The following PLEKHH2 variants were observed in gnomAD, a reference collection of about 807,000 sequenced individuals.
The protein encoded by PLEKHH2 is pleckstrin homology domain-containing family H member 2.
Under a neutral mutation model 187.9 loss-of-function variants are expected in PLEKHH2, and 129 were observed. That is an observed-to-expected ratio of 0.69 (90% CI 0.59 to 0.79). The LOEUF is 0.79. PLEKHH2 is among the 30% of genes least tolerant of loss of function. The pLI, the probability that PLEKHH2 is intolerant of heterozygous loss-of-function variation, is 0.00. For missense variants in PLEKHH2, 2,076 were observed against 1,751.2 expected (o/e 1.19, Z -3.31); for synonymous variants, 686 against 605.6 (o/e 1.13, Z -1.95).
At chr2:43,735,530 G>A (rs1671250295) in intron 19 of PLEKHH2, among the ~76,000 whole-genome samples, 1 of 152,184 alleles carries the variant, frequency 6.6e-6, no homozygotes, top group Non-Finnish European at 1.5e-5. Context: ...GGCAACTATA[G>A]CTGACAAGGA....
chr2:43,747,475 G>A (rs1449956969), intron 24 of PLEKHH2, among the ~76,000 whole-genome samples: 1 of 152,192 alleles, frequency 6.6e-6, no homozygotes, highest in East Asian at 1.9e-4. Context: ...GCCTGTAGAT[G>A]GAGGCTGCTT....
chr2:43,763,936 C>T (rs974598094), intron 28 of PLEKHH2, among the ~76,000 whole-genome samples: 1 of 152,004 alleles, frequency 6.6e-6, no homozygotes, highest in East Asian at 1.9e-4. Flanking sequence ...TTAACAGTGG[C>T]TTTCCACTAG....
intron 8 of PLEKHH2, among the ~76,000 whole-genome samples, chr2:43,701,258 G>C (rs1332635443): frequency 6.6e-6 from 1 of 152,218 alleles, no homozygotes; most frequent in African/African-American, 2.4e-5. Flanking sequence ...TCAAAAAACA[G>C]AACAGATGGT....
chr2:43,737,869 G>A (rs1175781941), intron 19 of PLEKHH2, among the ~76,000 whole-genome samples: 1 of 152,184 alleles, frequency 6.6e-6, no homozygotes, highest in Non-Finnish European at 1.5e-5. Context: ...TGGAGATCAC[G>A]GAGGACCACT....
intron 24 of PLEKHH2, among the ~76,000 whole-genome samples, chr2:43,747,105 TCTCC>T (rs1427288253): frequency 7.0e-6 from 1 of 142,714 alleles, no homozygotes; most frequent in Non-Finnish European, 1.5e-5. Flanking sequence ...TCTCTCTCTC[TCTCC>T]CTCTCTCTCT....
In PLEKHH2 at chr2:43,695,163, T is replaced by A. The variant is rs772801775; in HGVS notation, c.441T>A (p.Asn147Lys). 16 of 1,596,294 alleles carry A rather than the reference T, an allele frequency of 1.0e-5. No homozygotes were observed. Among genetic ancestry groups the A allele is most frequent in the Non-Finnish European group, 1.3e-5 (15 of 1,168,352 alleles). Residue 147 changes from asparagine (N) to lysine (K), a missense_variant, in exon 6 of 30, where the codon AAT (asparagine) becomes AAA (lysine). Transcript: ENST00000282406. The stretch of plus-strand genomic sequence containing the variant: ...CTTAGCTGGAATTGGAGAATCAGAA[T>A]CTTCGTTTGATCAACCAAAACCAAA... ...KLNELELENQNLRLINQNQTE... is the reference protein window; with the variant it reads ...KLNELELENQKLRLINQNQTE...
intron 17 of PLEKHH2, among the ~76,000 whole-genome samples, chr2:43,727,442 T>C (rs1572628197): frequency 7.0e-6 from 1 of 142,664 alleles, no homozygotes. Context: ...AAAAAGGCAG[T>C]GTAAGAAATC....
At chr2:43,655,896 C>T (rs910920370) in intron 2 of PLEKHH2, among the ~76,000 whole-genome samples, 6 of 151,698 alleles carry the variant, frequency 4.0e-5, no homozygotes, top group Non-Finnish European at 7.4e-5. Flanking sequence ...AATCTTTCTT[C>T]TAAAGGTTAA....
rs1384392308 is a variant in PLEKHH2, at chr2:43,738,335, A to G, written c.2944-6A>G. Reference sequence around the variant, plus strand: ...CCTTGAATATATCTTTTTTTGTTTAATTCAGACCTGCCAGCTTTTTATAAA... The same window carrying G: ...CCTTGAATATATCTTTTTTTGTTTAGTTCAGACCTGCCAGCTTTTTATAAA... On this transcript the variant is annotated splice_polypyrimidine_tract_variant and splice_region_variant and intron_variant, in intron 19 of 29. Transcript: ENST00000282406. 6.2e-7 allele frequency: 1 copy of G among 1,600,856 alleles called. No homozygotes were observed. Among genetic ancestry groups the G allele is most frequent in the Middle Eastern group, 1.7e-4 (1 of 6,002 alleles).
At chr2:43,690,244 C>A (rs1202106930) in intron 3 of PLEKHH2, among the ~76,000 whole-genome samples, 1 of 152,214 alleles carries the variant, frequency 6.6e-6, no homozygotes, top group African/African-American at 2.4e-5. Flanking sequence ...TGATACAGAT[C>A]TTTGTCCTTC....
intron 16 of PLEKHH2, among the ~76,000 whole-genome samples, chr2:43,723,586 C>T (rs144658840): frequency 1.2e-4 from 19 of 152,160 alleles, no homozygotes; most frequent in Middle Eastern, 3.2e-3. Flanking sequence ...GGGAGGATAT[C>T]TTTCATATAG....
At chr2:43,678,991 T>C (rs1668022411) in intron 3 of PLEKHH2, 66 bp downstream of exon 3, 2 of 1,112,934 alleles carry the variant, frequency 1.8e-6, no homozygotes, top group Non-Finnish European at 2.7e-6. Flanking sequence ...GTTTTGCTCA[T>C]AATGGAAAGA....
Position 43,678,796 on chromosome 2 carries a change from G to A in PLEKHH2, c.124-67G>A, listed in dbSNP as rs113793407. ...GAGGTAGAATTATGAGATTTTTAAA[G>A]CCTTTTTCAGAAAGGCTCATTTTTC... is the stretch of plus-strand genomic sequence containing the variant. On this transcript the variant is annotated intron_variant, in intron 2 of 29. Transcript: ENST00000282406. 2,369 of 1,250,124 alleles carry A rather than the reference G, an allele frequency of 1.9e-3. 39 individuals are homozygous for A. In the African/African-American group the frequency reaches 0.032, roughly 17 times the overall value. The allele number at this position is 1,250,124 out of a possible 1,614,324, so 77.4% of individuals were successfully genotyped here. A position where few individuals can be genotyped will look rare whatever the true frequency, so the allele number is the denominator to read the frequency against.
At chr2:43,709,047 A>G (rs1669813132) in intron 11 of PLEKHH2, among the ~76,000 whole-genome samples, 1 of 152,208 alleles carries the variant, frequency 6.6e-6, no homozygotes, top group Non-Finnish European at 1.5e-5. Flanking sequence ...TATATTCTAA[A>G]TCTCCAATTG....
At chr2:43,735,193 A>G (rs1325032882) in intron 19 of PLEKHH2, among the ~76,000 whole-genome samples, 1 of 152,164 alleles carries the variant, frequency 6.6e-6, no homozygotes, top group Non-Finnish European at 1.5e-5. Context: ...CTGTCTCAAA[A>G]AAAAGAAAAA....
intron 3 of PLEKHH2, chr2:43,681,584 A>G (rs1668188726): frequency 1.1e-6 from 1 of 870,622 alleles, no homozygotes; most frequent in Non-Finnish European, 1.9e-6. Context: ...GGCACTCATG[A>G]CTAGTGCCTC....
rs140635328 is a variant in PLEKHH2 at position 43,682,675 on chromosome 2, C to T, written c.186+3750C>T. Among the ~76,000 whole-genome samples the T allele has an allele frequency of 6.8e-3, 1,028 of 152,174 alleles. 44 individuals carry two copies. The highest frequency in any genetic ancestry group is 0.062 in the Admixed American group (940 of 15,266). ...TCACCTTTATCTAGTTCCAAAATGT[C>T]GAAAGGAAACTCATCTCAAAAGGAA... On this transcript the variant is annotated intron_variant, in intron 3 of 29. Transcript: ENST00000282406.
chr2:43,697,683 CTG>C, intron 7 of PLEKHH2, among the ~76,000 whole-genome samples: 1 of 152,276 alleles, frequency 6.6e-6, no homozygotes, highest in South Asian at 2.1e-4. Context: ...CAGATTAGAA[CTG>C]TGAATTTCCT....
chr2:43,710,032 T>C lies in PLEKHH2; in HGVS notation c.2009T>C (p.Ile670Thr). ...SSVASESDYA[I>T]PPDAYSTDTE... ...GTGGCTTCTGAAAGTGATTATGCTATTCCTCCTGATGCTTACTCCACAGAC... is the reference window on the plus strand; with the variant it reads ...GTGGCTTCTGAAAGTGATTATGCTACTCCTCCTGATGCTTACTCCACAGAC... Residue 670 changes from isoleucine (I) to threonine (T), a missense_variant, in exon 12 of 30, where the codon ATT becomes ACT. By Grantham distance (89) the Ile-to-Thr change is moderately conservative (BLOSUM62 -1). Coordinates refer to ENST00000282406, the MANE Select transcript of PLEKHH2 (RefSeq NM_172069.4). 1 of 1,612,960 alleles carries C rather than the reference T, an allele frequency of 6.2e-7. No individual in the cohort carries two copies. Among genetic ancestry groups the C allele is most frequent in the Non-Finnish European group, 8.5e-7 (1 of 1,179,162 alleles).
Sources: gnomAD v4.1 joint callset for allele counts (sites outside exome capture counted in the v4.1 genomes callset) on GRCh38, gnomAD v4.1.1 for gene constraint, MANE v1.5 for transcripts, NCBI Gene and HGNC (gene_info 2026-07-23, HGNC 2026-07-21) for gene names.